Variants in ANKS1B observed in about 807,000 individuals in gnomAD.
ANKS1B encodes the protein ankyrin repeat and sterile alpha motif domain containing 1B, also known as ankyrin repeat and sterile alpha motif domain-containing protein 1B.
In ANKS1B, 36 loss-of-function variants were observed where a neutral mutation model predicts 148.3. The ratio of observed to expected loss-of-function variants is 0.24; its 90% CI spans 0.19 to 0.32. The LOEUF (loss-of-function observed/expected upper bound fraction) is 0.32. ANKS1B is among the 10% of genes least tolerant of loss of function. The probability of loss-of-function intolerance (pLI) is 1.00; values close to 1 mark genes in which losing one functional copy is unlikely to be tolerated. For missense variants in ANKS1B, 1,157 were observed against 1,542.6 expected (o/e 0.75, Z 4.19); for synonymous variants, 542 against 560.8 (o/e 0.97, Z 0.47).
chr12:99,325,199 T>C (rs941002162), intron 12 of ANKS1B, among the ~76,000 whole-genome samples: 2 of 152,254 alleles, frequency 1.3e-5, no homozygotes, highest in East Asian at 3.9e-4. Context: ...AAACTCATAC[T>C]GAACAGGATC....
At chr12:99,537,839 A>G (rs1192735257) in intron 9 of ANKS1B, among the ~76,000 whole-genome samples, 1 of 152,152 alleles carries the variant, frequency 6.6e-6, no homozygotes, top group African/African-American at 2.4e-5. Context: ...GCCCAGACCA[A>G]TGTCCTGGAG....
chr12:99,583,458 G>A (rs2097590555), intron 9 of ANKS1B, among the ~76,000 whole-genome samples: 1 of 152,044 alleles, frequency 6.6e-6, no homozygotes, highest in Non-Finnish European at 1.5e-5. Flanking sequence ...ATTAATGAAT[G>A]GTACTGATTT....
intron 1 of ANKS1B, among the ~76,000 whole-genome samples, chr12:99,877,660 C>G (rs2092204394): frequency 1.3e-5 from 2 of 152,178 alleles, no homozygotes; most frequent in South Asian, 4.1e-4. Flanking sequence ...TTATTATCTT[C>G]TAGTTTCTAG....
At chr12:98,849,687 A>C (rs926095817) in intron 17 of ANKS1B, among the ~76,000 whole-genome samples, 6 of 152,312 alleles carry the variant, frequency 3.9e-5, no homozygotes, top group African/African-American at 1.2e-4. Flanking sequence ...TTCTATTTTA[A>C]AATCAGGTAC....
At chr12:99,927,710 A>G (rs1603462109) in intron 1 of ANKS1B, among the ~76,000 whole-genome samples, 1 of 152,244 alleles carries the variant, frequency 6.6e-6, no homozygotes, top group East Asian at 1.9e-4. Context: ...TGGGCCCAGG[A>G]GTTTGAGACT....
chr12:99,763,109 A>T (rs1013998548), intron 8 of ANKS1B, among the ~76,000 whole-genome samples: 2 of 152,180 alleles, frequency 1.3e-5, no homozygotes. Context: ...CTTAAAACAG[A>T]ACTACCATTT....
chr12:99,163,274 G>T (rs548518310), intron 14 of ANKS1B, among the ~76,000 whole-genome samples: 2 of 151,782 alleles, frequency 1.3e-5, no homozygotes, highest in East Asian at 1.9e-4. Flanking sequence ...TTTTTTTAAA[G>T]ATTTTTATTT....
At chr12:98,807,728 A>G (rs878883903) in intron 20 of ANKS1B, 116 bp downstream of exon 20, 1 of 704,470 alleles carries the variant, frequency 1.4e-6, no homozygotes, top group South Asian at 2.4e-5. Context: ...CGGAGTCACC[A>G]GACATTACAA....
At chr12:99,496,074 T>A (rs1238442789) in intron 10 of ANKS1B, among the ~76,000 whole-genome samples, 1 of 151,558 alleles carries the variant, frequency 6.6e-6, no homozygotes, top group Non-Finnish European at 1.5e-5. Flanking sequence ...GTCCTTTTTT[T>A]ATCAGAGATC....
intron 8 of ANKS1B, among the ~76,000 whole-genome samples, chr12:99,697,223 G>T (rs2054068909): frequency 6.6e-6 from 1 of 152,012 alleles, no homozygotes; most frequent in Non-Finnish European, 1.5e-5. Context: ...CATCACACTG[G>T]ATTTATTTCA....
At chr12:99,602,648 G>T (rs1252749424) in intron 9 of ANKS1B, among the ~76,000 whole-genome samples, 1 of 152,080 alleles carries the variant, frequency 6.6e-6, no homozygotes, top group East Asian at 1.9e-4. Context: ...TCATACAAAA[G>T]CTGCTGTGGT....
At chr12:99,897,871 C>G (rs2093440188) in intron 1 of ANKS1B, among the ~76,000 whole-genome samples, 1 of 146,742 alleles carries the variant, frequency 6.8e-6, no homozygotes, top group Admixed American at 6.8e-5. Flanking sequence ...AAAAAAAAAC[C>G]CTGAAAACTA....
intron 4 of ANKS1B, among the ~76,000 whole-genome samples, chr12:99,795,761 C>T (rs1343318487): frequency 6.6e-6 from 1 of 151,934 alleles, no homozygotes. Flanking sequence ...GTACTGAACC[C>T]GAATGCCATC....
chr12:99,804,221 A>T (rs1264585027), intron 4 of ANKS1B, among the ~76,000 whole-genome samples: 1 of 152,204 alleles, frequency 6.6e-6, no homozygotes, highest in Non-Finnish European at 1.5e-5. Context: ...CAGTACATCC[A>T]GATTAGAGAA....
intron 8 of ANKS1B, among the ~76,000 whole-genome samples, chr12:99,668,814 C>T (rs2098522553): frequency 6.6e-6 from 1 of 151,818 alleles, no homozygotes; most frequent in Non-Finnish European, 1.5e-5. Context: ...TTCACAGGCT[C>T]TGTTATTTAT....
intron 9 of ANKS1B, among the ~76,000 whole-genome samples, chr12:99,540,484 T>C (rs921037121): frequency 2.0e-5 from 3 of 152,106 alleles, no homozygotes; most frequent in South Asian, 4.1e-4. Flanking sequence ...CTGACCATAA[T>C]AGAAAAAAAT....
chr12:99,431,693 A>G (rs748974794), intron 11 of ANKS1B, among the ~76,000 whole-genome samples: 6 of 152,246 alleles, frequency 3.9e-5, no homozygotes, highest in Non-Finnish European at 8.8e-5. Flanking sequence ...GGAAGGTGGC[A>G]GAATATCTGG....
chr12:99,105,992 G>A (rs917657076), intron 15 of ANKS1B, among the ~76,000 whole-genome samples: 4 of 152,076 alleles, frequency 2.6e-5, no homozygotes, highest in African/African-American at 4.8e-5. Flanking sequence ...AAGAAGAGTG[G>A]TTTCTAGGAA....
chr12:98,877,921 G>A (rs1292355596), intron 17 of ANKS1B, among the ~76,000 whole-genome samples: 2 of 152,032 alleles, frequency 1.3e-5, no homozygotes, highest in Admixed American at 1.3e-4. Flanking sequence ...CTAGGCCTCA[G>A]TGGAAACACG....
Sources: gnomAD v4.1 joint callset for allele counts (sites outside exome capture counted in the v4.1 genomes callset) on GRCh38, gnomAD v4.1.1 for gene constraint, MANE v1.5 for transcripts, NCBI Gene and HGNC (gene_info 2026-07-23, HGNC 2026-07-21) for gene names.